Variants in VAV3 observed in about 807,000 individuals in gnomAD.
VAV3 encodes guanine nucleotide exchange factor VAV3.
A neutral mutation model predicts 131.2 loss-of-function variants in VAV3; 94 were observed. The observed-to-expected ratio is 0.72, with a 90% CI of 0.61 to 0.85. The LOEUF is 0.85. Ranked by LOEUF, VAV3 falls within the 40% of genes least tolerant of loss-of-function variation. VAV3 has a pLI of 0.00. For synonymous variants in VAV3, 349 were observed against 342.0 expected, an observed-to-expected ratio of 1.02 and a Z score of -0.22; for missense variants, 939 against 1,002.7, an observed-to-expected ratio of 0.94 and a Z score of 0.86.
intron 2 of VAV3, among the ~76,000 whole-genome samples, chr1:107,837,917 C>A (rs953530890): frequency 1.3e-5 from 2 of 152,126 alleles, no homozygotes; most frequent in Non-Finnish European, 2.9e-5. Context: ...AAATGTAAGA[C>A]CTCAAACTGT....
chr1:107,727,925 G>A (rs997282543), intron 15 of VAV3, among the ~76,000 whole-genome samples: 7 of 152,090 alleles, frequency 4.6e-5, no homozygotes, highest in South Asian at 2.1e-4. Context: ...TGGACTGTGC[G>A]ACACATTAAA....
chr1:107,803,684 T>C (rs1330439709), intron 2 of VAV3, among the ~76,000 whole-genome samples: 2 of 152,124 alleles, frequency 1.3e-5, no homozygotes, highest in Admixed American at 1.3e-4. Context: ...GCATTTTGGA[T>C]GAACTTCCAT....
chr1:107,761,626 A>T (rs1664437077), intron 9 of VAV3, among the ~76,000 whole-genome samples: 1 of 152,150 alleles, frequency 6.6e-6, no homozygotes, highest in Non-Finnish European at 1.5e-5. Flanking sequence ...TGCTTTGTCC[A>T]GCCTCCAGCA....
At chr1:107,808,850 C>T (rs563943229) in intron 2 of VAV3, among the ~76,000 whole-genome samples, 2 of 152,082 alleles carry the variant, frequency 1.3e-5, no homozygotes, top group Admixed American at 1.3e-4. Flanking sequence ...AATAATACTG[C>T]TGTATCAAAA....
rs1490344534 is a variant in VAV3, at chr1:107,675,721, T to A, written c.1777+7767A>T. Among the ~76,000 whole-genome samples the A allele has an allele frequency of 2.0e-5, 3 of 152,144 alleles. No individual in the cohort carries two copies. The East Asian group carries it at 5.8e-4, about 29-fold the overall frequency. On this transcript the variant is annotated intron_variant, in intron 19 of 26. Coordinates refer to ENST00000370056, the MANE Select transcript of VAV3 (RefSeq NM_006113.5). ...TCCCCACAAAACATGCTGTGTTAGG[T>A]TCTGTTTCCTCAGTTCTCTAATCCG...
At chr1:107,660,700 T>C (rs935270966) in intron 19 of VAV3, among the ~76,000 whole-genome samples, 1 of 152,228 alleles carries the variant, frequency 6.6e-6, no homozygotes, top group East Asian at 1.9e-4. Flanking sequence ...GCATATTAAT[T>C]TTTTTAAAAA....
At chr1:107,817,433 G>C (rs1667606056) in intron 2 of VAV3, among the ~76,000 whole-genome samples, 2 of 152,208 alleles carry the variant, frequency 1.3e-5, no homozygotes, top group South Asian at 4.1e-4. Context: ...ACATGAAACT[G>C]GACAAGCTGG....
At chr1:107,776,215 A>C (rs1665347587) in intron 4 of VAV3, among the ~76,000 whole-genome samples, 1 of 152,224 alleles carries the variant, frequency 6.6e-6, no homozygotes, top group South Asian at 2.1e-4. Flanking sequence ...TGACTTATTA[A>C]TTTGGAAAAC....
intron 15 of VAV3, among the ~76,000 whole-genome samples, chr1:107,734,195 G>A (rs1231900949): frequency 6.6e-6 from 1 of 152,120 alleles, no homozygotes; most frequent in Non-Finnish European, 1.5e-5. Context: ...TGCCTTACAA[G>A]AGCTCCTGAA....
intron 20 of VAV3, 25 bp downstream of exon 20, chr1:107,642,594 G>A (rs781261688): frequency 1.7e-5 from 27 of 1,609,940 alleles, no homozygotes; most frequent in Non-Finnish European, 2.3e-5. Flanking sequence ...TCTGCATCAG[G>A]ACCCCTTTCC....
chr1:107,801,028 T>C (rs1302081363), intron 2 of VAV3, among the ~76,000 whole-genome samples: 1 of 152,170 alleles, frequency 6.6e-6, no homozygotes, highest in African/African-American at 2.4e-5. Flanking sequence ...TTCATTCTTC[T>C]ACATATGGTT....
At chr1:107,762,253 A>T (rs1664483653) in intron 9 of VAV3, among the ~76,000 whole-genome samples, 1 of 152,054 alleles carries the variant, frequency 6.6e-6, no homozygotes, top group African/African-American at 2.4e-5. Flanking sequence ...AAGAAAATAC[A>T]CTGTTGCTCA....
chr1:107,674,511 C>T (rs1192180898), intron 19 of VAV3, among the ~76,000 whole-genome samples: 1 of 152,164 alleles, frequency 6.6e-6, no homozygotes, highest in Non-Finnish European at 1.5e-5. Flanking sequence ...CTAATTTGCA[C>T]AGAACTATAC....
intron 20 of VAV3, among the ~76,000 whole-genome samples, chr1:107,620,553 A>T (rs1301099970): frequency 6.6e-6 from 1 of 152,126 alleles, no homozygotes; most frequent in Non-Finnish European, 1.5e-5. Context: ...ACAATGATGC[A>T]TTTATTAGTA....
At chr1:107,899,709 C>T (rs1671767879) in intron 1 of VAV3, among the ~76,000 whole-genome samples, 1 of 152,114 alleles carries the variant, frequency 6.6e-6, no homozygotes, top group Non-Finnish European at 1.5e-5. Flanking sequence ...GGTATTGTTC[C>T]CATTCCCGCC....
At chr1:107,709,985 T>C (rs1473835963) in intron 15 of VAV3, among the ~76,000 whole-genome samples, 1 of 152,238 alleles carries the variant, frequency 6.6e-6, no homozygotes, top group African/African-American at 2.4e-5. Flanking sequence ...ATTTCAGTAA[T>C]AAGTATGACA....
At chr1:107,844,904 T>G (rs1024789550) in intron 2 of VAV3, among the ~76,000 whole-genome samples, 1 of 152,230 alleles carries the variant, frequency 6.6e-6, no homozygotes, top group Admixed American at 6.5e-5. Flanking sequence ...GCTTCCTGCC[T>G]GCTGGCTCTG....
At chr1:107,864,496 A>G (rs139062285) in intron 2 of VAV3, among the ~76,000 whole-genome samples, 1 of 151,948 alleles carries the variant, frequency 6.6e-6, no homozygotes, top group Admixed American at 6.6e-5. Context: ...GGTGGCATGC[A>G]CCTGTAGTCC....
At chr1:107,632,862 T>C (rs1315158306) in intron 20 of VAV3, among the ~76,000 whole-genome samples, 1 of 152,216 alleles carries the variant, frequency 6.6e-6, no homozygotes, top group Non-Finnish European at 1.5e-5. Flanking sequence ...GACATACCCA[T>C]ATATATTGTC....
Sources: allele counts gnomAD v4.1 joint callset (sites outside exome capture counted in the v4.1 genomes callset), GRCh38; gene constraint gnomAD v4.1.1; transcripts MANE v1.5; gene names NCBI Gene and HGNC (gene_info 2026-07-23, HGNC 2026-07-21).